The following PIK3CD variants were observed in gnomAD, a reference collection of about 807,000 sequenced individuals.
PIK3CD encodes the protein phosphatidylinositol 4,5-bisphosphate 3-kinase catalytic subunit delta isoform.
PIK3CD carries 20 observed loss-of-function variants against 122.9 expected under a neutral mutation model. That is an observed-to-expected ratio of 0.16 (90% CI 0.11 to 0.24). PIK3CD has a LOEUF of 0.24. Ranked by LOEUF, PIK3CD falls within the 10% of genes least tolerant of loss-of-function variation. The pLI, the probability that PIK3CD is intolerant of heterozygous loss-of-function variation, is 1.00. For missense variants in PIK3CD, 787 were observed against 1,406.3 expected (o/e 0.56, Z 7.04); for synonymous variants, 596 against 593.4 (o/e 1.00, Z -0.06).
At chr1:9,629,887 C>T in the PIK3CD span, among the ~76,000 whole-genome samples, 4 of 152,294 alleles carry the variant, frequency 2.6e-5, no homozygotes, top group African/African-American at 4.8e-5. Flanking sequence ...TTCTCCCCAA[C>T]GAATTTTGCG....
rs1646744635 is a variant in PIK3CD at position 9,704,038 on chromosome 1, T to C, written c.-32-6386T>C. Among the ~76,000 whole-genome samples the C allele has an allele frequency of 6.6e-6, 1 of 152,150 alleles. No homozygotes were observed. The highest frequency in any genetic ancestry group is 1.5e-5 in the Non-Finnish European group (1 of 68,020). The stretch of plus-strand genomic sequence containing the variant: ...CTCTGTCCTGTACATATCAGAGAGC[T>C]ATGGTTCTGGGCTTCATTCAGGGAA... On this transcript the variant is annotated intron_variant, in intron 2 of 23. Transcript: ENST00000377346. The surrounding 1 kb of genome is among the most constrained non-coding windows in gnomAD (Gnocchi z 5.0).
chr1:9,627,577 G>T, the PIK3CD span, among the ~76,000 whole-genome samples: 8 of 152,362 alleles, frequency 5.3e-5, no homozygotes, highest in East Asian at 9.6e-4. Context: ...TGATGATGAT[G>T]ATGATAACAT....
chr1:9,647,481 AATTATTATTATT>A (rs61118085), upstream of PIK3CD, among the ~76,000 whole-genome samples: 114 of 139,438 alleles, frequency 8.2e-4, 1 homozygote, highest in African/African-American at 1.1e-3. Flanking sequence ...TCATGATTCT[AATTATTATTATT>A]ATTATTATTA....
At chr1:9,725,054 C>T in intron 23 of PIK3CD, 118 bp downstream of exon 23, 3 of 1,289,716 alleles carry the variant, frequency 2.3e-6, no homozygotes, top group Non-Finnish European at 3.3e-6. Context: ...GCTGTGTGTG[C>T]CTCATGCCGT....
the PIK3CD span, among the ~76,000 whole-genome samples, chr1:9,641,142 CG>C: frequency 6.6e-6 from 1 of 152,094 alleles, no homozygotes; most frequent in Non-Finnish European, 1.5e-5. Flanking sequence ...CAGGGGGTTG[CG>C]GGGGCGGCAG....
At chr1:9,665,633 T>C (rs562484390) in intron 1 of PIK3CD, among the ~76,000 whole-genome samples, 1 of 152,164 alleles carries the variant, frequency 6.6e-6, no homozygotes, top group African/African-American at 2.4e-5. Context: ...TGGTTTCCAA[T>C]AGTAGGCAGG....
intron 1 of PIK3CD, among the ~76,000 whole-genome samples, chr1:9,675,111 C>T (rs1003006365): frequency 7.9e-5 from 12 of 151,094 alleles, no homozygotes; most frequent in Non-Finnish European, 1.2e-4. Context: ...TGAGGCCGGG[C>T]GCGGTGGCTC....
rs1482900257 is a variant in PIK3CD at position 9,700,839 on chromosome 1, C to CT, written c.-33+9269dup. On this transcript the variant is annotated intron_variant, in intron 2 of 23. Coordinates refer to ENST00000377346, the MANE Select transcript of PIK3CD (RefSeq NM_005026.5). The surrounding 1 kb of genome is among the most constrained non-coding windows in gnomAD (Gnocchi z 5.1). ...AGTAAATTCCCACCACCACTCCCAT[C>CT]TCCCAAGCCCAAACCTGGCTGTCAT... Among the ~76,000 whole-genome samples, 1 of 152,172 alleles carries CT rather than the reference C, an allele frequency of 6.6e-6. No homozygotes were observed. The highest frequency in any genetic ancestry group is 2.4e-5 in the African/African-American group (1 of 41,434).
chr1:9,725,638 G>T (rs1430864767), intron 23 of PIK3CD, among the ~76,000 whole-genome samples: 7 of 152,026 alleles, frequency 4.6e-5, no homozygotes, highest in East Asian at 1.9e-4. Context: ...CAGCACTTTG[G>T]GGGGCTGAGG....
Position 9,718,804 on chromosome 1 carries a change from C to T in PIK3CD, c.1131C>T (p.Phe377=), listed in dbSNP as rs113124534. The T allele has an allele frequency of 1.4e-4, 218 of 1,611,984 alleles. No individual in the cohort carries two copies. Among genetic ancestry groups the T allele is most frequent in the Middle Eastern group, 3.3e-4 (2 of 6,062 alleles). Reference sequence around the variant, plus strand: ...CCGTGTGGAAGCAGCGGCTGGAGTTCGACATCAACATCTGCGACCTGCCCC... The same window carrying T: ...CCGTGTGGAAGCAGCGGCTGGAGTTTGACATCAACATCTGCGACCTGCCCC... The part of the protein sequence containing the change: ...SEPVWKQRLE[F]DINICDLPRM... The change falls in exon 9 of 24, where the codon TTC becomes TTT. Residue 377 remains phenylalanine, a synonymous_variant. Transcript: ENST00000377346. This position sits in a 1 kb window ranked among gnomAD's most constrained non-coding sequence, Gnocchi z 7.2.
chr1:9,716,572 G>C lies in PIK3CD; in HGVS notation c.733G>C (p.Gly245Arg), dbSNP rs201035266. The C allele has an allele frequency of 6.3e-7, 1 of 1,593,578 alleles. No homozygotes were observed. Among genetic ancestry groups the C allele is most frequent in the South Asian group, 1.1e-5 (1 of 88,942 alleles). Reference protein sequence around the residue: ...QPEDYTLQVNGRHEYLYGSYP... With the variant: ...QPEDYTLQVNRRHEYLYGSYP... Reference sequence around the variant, plus strand: ...GGAAGACTACACGCTGCAGGTGAACGGCAGGCATGAGTACCTGTATGGCAG... The same window carrying C: ...GGAAGACTACACGCTGCAGGTGAACCGCAGGCATGAGTACCTGTATGGCAG... The change falls in exon 6 of 24, where the codon GGC becomes CGC. Residue 245 changes from glycine (G) to arginine (R), a missense_variant. By Grantham distance (125) the Gly-to-Arg change is moderately radical (BLOSUM62 -2). Coordinates refer to ENST00000377346, the MANE Select transcript of PIK3CD (RefSeq NM_005026.5).
chr1:9,710,607 C>T lies in PIK3CD; in HGVS notation c.141+11C>T. On this transcript the variant is annotated intron_variant, in intron 3 of 23. Coordinates refer to ENST00000377346, the MANE Select transcript of PIK3CD (RefSeq NM_005026.5). The surrounding 1 kb of genome is among the most constrained non-coding windows in gnomAD (Gnocchi z 4.7). ...AGCACCATCAAGCAGGTATGGCCTC[C>T]ATCCGGTCCTCAGACCTTGGTGCTC... is the stretch of plus-strand genomic sequence containing the variant. 6.2e-7 allele frequency: 1 copy of T among 1,613,262 alleles called. No homozygotes were observed.
intron 1 of PIK3CD, chr1:9,654,508 C>T: frequency 1.7e-6 from 1 of 598,370 alleles, no homozygotes; most frequent in South Asian, 2.1e-5. Context: ...TTTCGCACAA[C>T]TGTCCGATGG....
intron 1 of PIK3CD, among the ~76,000 whole-genome samples, chr1:9,656,626 C>A: frequency 6.6e-6 from 1 of 152,010 alleles, no homozygotes; most frequent in Middle Eastern, 3.2e-3. Flanking sequence ...GGCAACATTG[C>A]GAGATCCTGT....
At chr1:9,692,574 C>CAA in intron 2 of PIK3CD, among the ~76,000 whole-genome samples, 1 of 151,626 alleles carries the variant, frequency 6.6e-6, no homozygotes, top group South Asian at 2.1e-4. Flanking sequence ...ACTAAAAATA[C>CAA]AAAAAATTAG....
intron 1 of PIK3CD, among the ~76,000 whole-genome samples, chr1:9,688,490 C>A (rs1646057835): frequency 6.6e-6 from 1 of 152,200 alleles, no homozygotes; most frequent in Non-Finnish European, 1.5e-5. Context: ...GCCCGCCTAG[C>A]TTCGGCTTCC....
chr1:9,648,886 G>A (rs776638843), upstream of PIK3CD, among the ~76,000 whole-genome samples: 10 of 152,166 alleles, frequency 6.6e-5, no homozygotes, highest in South Asian at 2.1e-4. Flanking sequence ...CAGATCACCC[G>A]AGGCCTGAGT....
intron 3 of PIK3CD, among the ~76,000 whole-genome samples, chr1:9,713,051 T>C (rs1465280179): frequency 1.3e-5 from 2 of 151,892 alleles, no homozygotes; most frequent in African/African-American, 2.4e-5. Flanking sequence ...GGTGTGGTGG[T>C]AGATGCCTGT....
chr1:9,675,038 G>T (rs9793667), intron 1 of PIK3CD, among the ~76,000 whole-genome samples: 1 of 137,610 alleles, frequency 7.3e-6, no homozygotes, highest in Non-Finnish European at 1.6e-5. Flanking sequence ...AAAAAAAAAA[G>T]AGAGAGAGAG....
Sources: allele counts gnomAD v4.1 joint callset (sites outside exome capture counted in the v4.1 genomes callset), GRCh38; gene constraint gnomAD v4.1.1; non-coding constraint Gnocchi (gnomAD v3.1); transcripts MANE v1.5; gene names NCBI Gene and HGNC (gene_info 2026-07-23, HGNC 2026-07-21).